XYLT1: variants seen among roughly 807,000 people sequenced by gnomAD.
XYLT1 encodes the protein beta-D-xylosyltransferase 1.
In XYLT1, 36 loss-of-function variants were observed where a neutral mutation model predicts 91.3. That is an observed-to-expected ratio of 0.39 (90% CI 0.30 to 0.52). The LOEUF (loss-of-function observed/expected upper bound fraction) is 0.52. Among genes scored for constraint, XYLT1 ranks in the 20% least tolerant of loss-of-function variants. The pLI is 0.68. For missense variants in XYLT1, 1,242 were observed against 1,284.5 expected (o/e 0.97, Z 0.51); for synonymous variants, 588 against 532.0 (o/e 1.11, Z -1.45).
At chr16:17,281,388 C>T (rs1339991871) in intron 2 of XYLT1, among the ~76,000 whole-genome samples, 1 of 152,212 alleles carries the variant, frequency 6.6e-6, no homozygotes, top group Admixed American at 6.5e-5. Context: ...ACTCTGTGGA[C>T]CCTGCTCCCA....
chr16:17,207,062 T>C (rs1282943869), intron 3 of XYLT1, among the ~76,000 whole-genome samples: 2 of 147,858 alleles, frequency 1.4e-5, no homozygotes, highest in African/African-American at 5.0e-5. Flanking sequence ...CTTTTTTTTT[T>C]TTTTTTTTTT....
intron 2 of XYLT1, among the ~76,000 whole-genome samples, chr16:17,276,959 C>T (rs563555286): frequency 2.0e-5 from 3 of 152,192 alleles, no homozygotes; most frequent in Non-Finnish European, 2.9e-5. Flanking sequence ...TAAAAGGTAG[C>T]GGTTACCCAC....
intron 5 of XYLT1, among the ~76,000 whole-genome samples, chr16:17,192,684 A>T (rs1040069612): frequency 6.6e-6 from 1 of 152,186 alleles, no homozygotes; most frequent in Non-Finnish European, 1.5e-5. Context: ...AGGAGCACCT[A>T]GAGTCTCTAA....
chr16:17,247,942 T>C (rs1289997183), intron 3 of XYLT1, among the ~76,000 whole-genome samples: 1 of 152,092 alleles, frequency 6.6e-6, no homozygotes, highest in Non-Finnish European at 1.5e-5. Context: ...GGCTCAAAAG[T>C]GGAAGAAGCA....
At chr16:17,409,072 C>T (rs2036069101) in intron 1 of XYLT1, among the ~76,000 whole-genome samples, 1 of 151,312 alleles carries the variant, frequency 6.6e-6, no homozygotes, top group Non-Finnish European at 1.5e-5. Flanking sequence ...AAAAAAGATG[C>T]AAATTACAAA....
chr16:17,455,286 CA>C (rs535355884), intron 1 of XYLT1, among the ~76,000 whole-genome samples: 132 of 152,244 alleles, frequency 8.7e-4, no homozygotes, highest in African/African-American at 3.1e-3. Context: ...CATTCTTTCT[CA>C]TGCATGTTCT....
chr16:17,126,822 A>G (rs963617064), intron 10 of XYLT1, among the ~76,000 whole-genome samples: 6 of 152,180 alleles, frequency 3.9e-5, no homozygotes, highest in Non-Finnish European at 8.8e-5. Context: ...AAGTACACTC[A>G]TTCATTCATT....
At chr16:17,306,373 G>T (rs1464022851) in intron 2 of XYLT1, among the ~76,000 whole-genome samples, 1 of 152,166 alleles carries the variant, frequency 6.6e-6, no homozygotes, top group African/African-American at 2.4e-5. Context: ...GCCAGGCACA[G>T]TGGCTCACGC....
At chr16:17,178,074 G>C (rs901841288) in intron 5 of XYLT1, among the ~76,000 whole-genome samples, 4 of 115,540 alleles carry the variant, frequency 3.5e-5, no homozygotes, top group African/African-American at 1.8e-4. Context: ...GGCAGAGAAG[G>C]CTGGGTGGTA....
At chr16:17,207,483 CAATG>C (rs1314773110) in intron 3 of XYLT1, among the ~76,000 whole-genome samples, 5 of 152,086 alleles carry the variant, frequency 3.3e-5, no homozygotes, top group African/African-American at 1.2e-4. Context: ...GGAGAGGCCT[CAATG>C]AATGATTTCT....
At chr16:17,262,982 G>A (rs1221710332) in intron 2 of XYLT1, among the ~76,000 whole-genome samples, 1 of 152,042 alleles carries the variant, frequency 6.6e-6, no homozygotes, top group Non-Finnish European at 1.5e-5. Flanking sequence ...CATGCTCCAA[G>A]AACATAAATT....
chr16:17,443,217 C>T (rs893413899), intron 1 of XYLT1, among the ~76,000 whole-genome samples: 59 of 152,106 alleles, frequency 3.9e-4, no homozygotes, highest in Admixed American at 3.5e-3. Context: ...TAAGTACTTG[C>T]TACCTATATT....
chr16:17,255,794 G>C (rs541439308), intron 3 of XYLT1, among the ~76,000 whole-genome samples: 4 of 152,170 alleles, frequency 2.6e-5, no homozygotes, highest in African/African-American at 9.6e-5. Flanking sequence ...GATCATTTGA[G>C]GTCAGGAGTT....
At chr16:17,377,944 A>G (rs1007152178) in intron 1 of XYLT1, among the ~76,000 whole-genome samples, 2 of 152,224 alleles carry the variant, frequency 1.3e-5, no homozygotes. Context: ...CTCATTGTAC[A>G]AAGGGAAGAA....
chr16:17,116,961 T>C (rs1966853505), intron 11 of XYLT1, among the ~76,000 whole-genome samples: 1 of 152,186 alleles, frequency 6.6e-6, no homozygotes, highest in South Asian at 2.1e-4. Context: ...TTCCTCTCTT[T>C]TATAGCAGGG....
chr16:17,415,163 G>T (rs77697722), intron 1 of XYLT1, among the ~76,000 whole-genome samples: 1,945 of 152,230 alleles, frequency 0.013, 21 homozygotes, highest in Non-Finnish European at 0.02. Flanking sequence ...AGCTGGAATT[G>T]GTGCGTGCAG....
chr16:17,140,945 G>A (rs1024850894), intron 7 of XYLT1, among the ~76,000 whole-genome samples: 4 of 152,170 alleles, frequency 2.6e-5, no homozygotes, highest in South Asian at 4.1e-4. Flanking sequence ...GTGGACTGCC[G>A]GTGGTAGCAC....
intron 1 of XYLT1, among the ~76,000 whole-genome samples, chr16:17,409,546 CTTTTT>C (rs35377886): frequency 2.6e-5 from 3 of 117,322 alleles, no homozygotes; most frequent in South Asian, 2.7e-4. Flanking sequence ...TATTGAGACA[CTTTTT>C]TTTTTTTTTT....
At chr16:17,405,684 G>A (rs1189853824) in intron 1 of XYLT1, among the ~76,000 whole-genome samples, 10 of 152,210 alleles carry the variant, frequency 6.6e-5, no homozygotes, top group African/African-American at 1.4e-4. Flanking sequence ...GGCTGGGGCA[G>A]GCAGGCTCTC....
Sources: gnomAD v4.1 joint callset for allele counts (sites outside exome capture counted in the v4.1 genomes callset) on GRCh38, gnomAD v4.1.1 for gene constraint, MANE v1.5 for transcripts, NCBI Gene and HGNC (gene_info 2026-07-23, HGNC 2026-07-21) for gene names.